TET2: variants seen among roughly 807,000 people sequenced by gnomAD.
The protein encoded by TET2 is tet methylcytosine dioxygenase 2.
Under a neutral mutation model 142.9 loss-of-function variants are expected in TET2, and 299 were observed. That is an observed-to-expected ratio of 2.09 (90% confidence interval 1.90 to 2.30). The LOEUF (loss-of-function observed/expected upper bound fraction) is 2.30. TET2 is among the 30% of genes most tolerant of loss of function. TET2 has a pLI of 0.00. For synonymous variants in TET2, 819 were observed against 849.0 expected, an observed-to-expected ratio of 0.96 and a Z score of 0.61; for missense variants, 2,418 against 2,378.0, an observed-to-expected ratio of 1.02 and a Z score of -0.35.
In TET2 at chr4:105,277,941, CAA is replaced by C. The variant is rs1396130012; in HGVS notation, c.*1423_*1424del. 19 of 214,594 alleles carry C rather than the reference CAA, an allele frequency of 8.9e-5. No individual in the cohort carries two copies. Among genetic ancestry groups the C allele is most frequent in the Non-Finnish European group, 1.5e-4 (16 of 106,568 alleles). 13.3% of individuals were successfully genotyped at this position (214,594 alleles called of 1,614,324 possible). ...TTCTTAGCTTAAGTGTCCTCTTTAA[CAA>C]GAGGATTGAGCAGACTGATGCCTGC... On this transcript the variant is annotated 3_prime_UTR_variant, in exon 11 of 11. Coordinates refer to ENST00000380013, the MANE Select transcript of TET2 (RefSeq NM_001127208.3).
chr4:105,272,779 A>AC lies in TET2; in HGVS notation c.4398_4399insC (p.Arg1467GlnfsTer11). 1 of 1,551,696 alleles carries AC rather than the reference A, an allele frequency of 6.4e-7. No individual in the cohort carries two copies. Among genetic ancestry groups the AC allele is most frequent in the Non-Finnish European group, 8.7e-7 (1 of 1,146,970 alleles). ...CAGAGCCAGTCAAGACTTGCCGACA[A>AC]AGGAAACTAGAAGCCAAGAAAGCTG... is the stretch of plus-strand genomic sequence containing the variant. On this transcript the variant is annotated frameshift_variant, in exon 10 of 11. Transcript: ENST00000380013. LOFTEE classifies it high-confidence loss of function.
intron 1 of TET2, among the ~76,000 whole-genome samples, chr4:105,169,122 A>G (rs556428548): frequency 6.6e-6 from 1 of 152,344 alleles, no homozygotes; most frequent in South Asian, 2.1e-4. Context: ...GCTGGATCAA[A>G]TGGTAGTTGT....
chr4:105,158,894 CA>C (rs1723695100), intron 1 of TET2, among the ~76,000 whole-genome samples: 2 of 151,892 alleles, frequency 1.3e-5, no homozygotes, highest in South Asian at 2.1e-4. Flanking sequence ...TTTTTAGGGC[CA>C]AAAAATAGTA....
At chr4:105,242,289 T>G in intron 4 of TET2, 1 of 1,081,096 alleles carries the variant, frequency 9.2e-7, no homozygotes, top group Non-Finnish European at 1.1e-6. Flanking sequence ...TTTTTTGTTT[T>G]GTTTTTTAAA....
chr4:105,261,824 T>TG lies in TET2; in HGVS notation c.4021dup (p.Ala1341GlyfsTer3). The TG allele has an allele frequency of 6.5e-7, 1 of 1,547,360 alleles. No homozygotes were observed. Among genetic ancestry groups the TG allele is most frequent in the Non-Finnish European group, 8.7e-7 (1 of 1,144,066 alleles). The stretch of plus-strand genomic sequence containing the variant: ...TTATGGCACCAACATATAAGAAACT[T>TG]GCACCTGATGCATATAATAATCAGG... On this transcript the variant is annotated frameshift_variant, in exon 8 of 11. Transcript: ENST00000380013. LOFTEE classifies it high-confidence loss of function.
intron 8 of TET2, among the ~76,000 whole-genome samples, 164 bp downstream of exon 8, chr4:105,262,012 A>G (rs1298626840): frequency 6.6e-6 from 1 of 152,192 alleles, no homozygotes; most frequent in Admixed American, 6.6e-5. Flanking sequence ...TAAAAATTAT[A>G]CCATACAAAA....
intron 1 of TET2, among the ~76,000 whole-genome samples, chr4:105,148,152 G>C (rs1723130001): frequency 6.6e-6 from 1 of 152,056 alleles, no homozygotes; most frequent in African/African-American, 2.4e-5. Flanking sequence ...AATAGGGTTT[G>C]TATGGAGAGT....
intron 6 of TET2, among the ~76,000 whole-genome samples, chr4:105,253,025 G>C (rs1251857192): frequency 6.6e-6 from 1 of 152,026 alleles, no homozygotes; most frequent in Non-Finnish European, 1.5e-5. Context: ...ACACTATCTT[G>C]TTAACTTAGG....
At chr4:105,240,635 C>T (rs888912103) in intron 3 of TET2, 6 of 1,080,130 alleles carry the variant, frequency 5.6e-6, no homozygotes, top group Non-Finnish European at 6.8e-6. Context: ...TAAAACACCA[C>T]ACATCTCATA....
At chr4:105,157,129 TAC>T (rs1266147434) in intron 1 of TET2, among the ~76,000 whole-genome samples, 1 of 152,168 alleles carries the variant, frequency 6.6e-6, no homozygotes, top group African/African-American at 2.4e-5. Context: ...TTTCTACAAA[TAC>T]AGTGTCTGAT....
At chr4:105,148,486 A>C (rs1349670868) in intron 1 of TET2, among the ~76,000 whole-genome samples, 2 of 152,206 alleles carry the variant, frequency 1.3e-5, no homozygotes, top group African/African-American at 4.8e-5. Flanking sequence ...AAATTCAAAG[A>C]TATTCATCAA....
Position 105,235,852 on chromosome 4 carries a change from AAATG to A in TET2, c.1914_1917del (p.Met638IlefsTer61). ...CACAAGTCACAAATGTACCAAGTTG[AAATG>A]AATCAAGGGCAGTCCCAAGGTACAG... On this transcript the variant is annotated frameshift_variant, in exon 3 of 11. Transcript: ENST00000380013. LOFTEE classifies it high-confidence loss of function. 6.2e-7 allele frequency: 1 copy of A among 1,614,034 alleles called. No individual in the cohort carries two copies. Among genetic ancestry groups the A allele is most frequent in the Non-Finnish European group, 8.5e-7 (1 of 1,179,986 alleles).
At chr4:105,168,772 T>C (rs1238610185) in intron 1 of TET2, among the ~76,000 whole-genome samples, 3 of 152,104 alleles carry the variant, frequency 2.0e-5, no homozygotes, top group Admixed American at 2.0e-4. Flanking sequence ...TAGAGTCCAT[T>C]GTGTCATTCT....
intron 6 of TET2, among the ~76,000 whole-genome samples, chr4:105,250,315 T>C (rs1478408917): frequency 1.3e-5 from 2 of 152,008 alleles, no homozygotes; most frequent in Non-Finnish European, 2.9e-5. Flanking sequence ...CTTTGTACTT[T>C]TGCCTACCAT....
At chr4:105,261,127 C>T (rs934666356) in intron 7 of TET2, among the ~76,000 whole-genome samples, 1 of 151,782 alleles carries the variant, frequency 6.6e-6, no homozygotes, top group African/African-American at 2.4e-5. Context: ...ATAAATGGAG[C>T]AGCTAAATAT....
Position 105,235,540 on chromosome 4 carries a change from T to C in TET2, c.1598T>C (p.Met533Thr), listed in dbSNP as rs755137065. 1.1e-5 allele frequency: 17 copies of C among 1,614,012 alleles called. No individual in the cohort carries two copies. In the Admixed American group the frequency reaches 1.7e-4, roughly 16 times the overall value. The change falls in exon 3 of 11, where the codon ATG becomes ACG. Residue 533 changes from methionine (M) to threonine (T), a missense_variant. Coordinates refer to ENST00000380013, the MANE Select transcript of TET2 (RefSeq NM_001127208.3). The part of the protein sequence containing the change: ...GELQDNCQQL[M>T]RNKEQEILKG... ...CTACAGGACAACTGCCAGCAGTTGATGAGAAACAAAGAGCAAGAGATTCTG... is the reference window on the plus strand; with the variant it reads ...CTACAGGACAACTGCCAGCAGTTGACGAGAAACAAAGAGCAAGAGATTCTG...
At chr4:105,186,306 T>A (rs762783297) in intron 1 of TET2, among the ~76,000 whole-genome samples, 2 of 152,090 alleles carry the variant, frequency 1.3e-5, no homozygotes, top group Non-Finnish European at 2.9e-5. Flanking sequence ...GCTCATCGGC[T>A]TAGATTTTTC....
rs76159321 is a variant in TET2 at position 105,202,087 on chromosome 4, A to G, written c.-47+11582A>G. Among the ~76,000 whole-genome samples the G allele has an allele frequency of 8.3e-3, 1,264 of 152,034 alleles. 16 individuals carry two copies. Among genetic ancestry groups the G allele is most frequent in the African/African-American group, 0.029 (1,200 of 41,466 alleles). On this transcript the variant is annotated intron_variant, in intron 2 of 10. Coordinates refer to ENST00000380013, the MANE Select transcript of TET2 (RefSeq NM_001127208.3). ...ACCAACTTCTGTCTTCCAGGTTTTT[A>G]TGTCCTTGGAAATTTATGCATATTT...
At chr4:105,267,534 A>C (rs1730742428) in intron 8 of TET2, among the ~76,000 whole-genome samples, 6 of 110,526 alleles carry the variant, frequency 5.4e-5, no homozygotes, top group African/African-American at 2.5e-4. Context: ...TGTACCTTAA[A>C]CCACTAAAAA....
Sources: gnomAD v4.1 joint callset for allele counts (sites outside exome capture counted in the v4.1 genomes callset) on GRCh38, gnomAD v4.1.1 for gene constraint, MANE v1.5 for transcripts, NCBI Gene and HGNC (gene_info 2026-07-23, HGNC 2026-07-21) for gene names.